The following TMEM207 variants were observed in gnomAD, a reference collection of about 807,000 sequenced individuals.
TMEM207 encodes SRSR846.
A neutral mutation model predicts 17.4 loss-of-function variants in TMEM207; 15 were observed. The observed-to-expected ratio is 0.86, with a 90% CI of 0.58 to 1.33. TMEM207 has a LOEUF of 1.33. TMEM207 is among the 40% of genes most tolerant of loss of function. TMEM207 has a pLI of 0.00. For synonymous variants in TMEM207, 70 were observed against 65.6 expected (o/e 1.07, Z -0.33); for missense variants, 205 against 173.8 (o/e 1.18, Z -1.01).
chr3:190,430,323 C>A (rs777000752), intron 4 of TMEM207, among the ~76,000 whole-genome samples: 20 of 151,740 alleles, frequency 1.3e-4, no homozygotes, highest in South Asian at 4.2e-4. Flanking sequence ...TAATATAGGC[C>A]ATTAACTATT....
intron 4 of TMEM207, among the ~76,000 whole-genome samples, chr3:190,432,169 C>T (rs1294920453): frequency 5.3e-5 from 8 of 152,152 alleles, no homozygotes; most frequent in Admixed American, 5.2e-4. Flanking sequence ...ACACTTACTG[C>T]TTAGTTTTTA....
At chr3:190,439,301 C>G (rs1719879447) in intron 4 of TMEM207, among the ~76,000 whole-genome samples, 1 of 145,658 alleles carries the variant, frequency 6.9e-6, no homozygotes, top group African/African-American at 2.5e-5. Flanking sequence ...TCTTGGAAAA[C>G]TAAGTTTGAT....
At chr3:190,439,937 C>T (rs1719892669) in intron 4 of TMEM207, among the ~76,000 whole-genome samples, 1 of 152,148 alleles carries the variant, frequency 6.6e-6, no homozygotes, top group Non-Finnish European at 1.5e-5. Flanking sequence ...TACCCTAAAC[C>T]CTACCATTCA....
intron 3 of TMEM207, 96 bp from the exon 4 acceptor site, chr3:190,440,485 A>T: frequency 8.6e-7 from 1 of 1,157,254 alleles, no homozygotes; most frequent in Non-Finnish European, 1.2e-6. Flanking sequence ...AGACTCAGCT[A>T]GACTGGCCGC....
Position 190,440,407 on chromosome 3 carries a change from C to A in TMEM207, c.159-18G>T. The A allele has an allele frequency of 6.2e-7, 1 of 1,601,932 alleles. No individual in the cohort carries two copies. Among genetic ancestry groups the A allele is most frequent in the Non-Finnish European group, 8.5e-7 (1 of 1,175,388 alleles). The stretch of plus-strand genomic sequence containing the variant: ...GGAGGATCCTGACTCCAAAAGTAAC[C>A]GAGAAAAGAATGAGGTAGAGTATGC... On this transcript the variant is annotated intron_variant, in intron 3 of 4. Transcript: ENST00000354905.
chr3:190,437,187 C>G (rs1362134770), intron 4 of TMEM207, among the ~76,000 whole-genome samples: 1 of 152,006 alleles, frequency 6.6e-6, no homozygotes, highest in African/African-American at 2.4e-5. Context: ...GCATGAAGAT[C>G]CTGGAGCACA....
chr3:190,444,410 A>T (rs1720001865), intron 2 of TMEM207: 4 of 985,234 alleles, frequency 4.1e-6, no homozygotes, highest in Non-Finnish European at 4.8e-6. Flanking sequence ...CTGGGACAGT[A>T]ATAGCCAGCT....
intron 4 of TMEM207, among the ~76,000 whole-genome samples, chr3:190,435,114 G>A (rs1034467217): frequency 2.6e-5 from 4 of 152,036 alleles, no homozygotes; most frequent in Non-Finnish European, 4.4e-5. Context: ...CCCCAAGAGA[G>A]CAGCTGTATT....
intron 2 of TMEM207, among the ~76,000 whole-genome samples, chr3:190,445,913 T>C (rs896641317): frequency 2.0e-5 from 3 of 152,170 alleles, no homozygotes; most frequent in Admixed American, 6.5e-5. Context: ...GATTAATACA[T>C]ATGTTTTTAT....
At chr3:190,440,896 GTC>G (rs1290865299) in intron 3 of TMEM207, among the ~76,000 whole-genome samples, 1 of 152,078 alleles carries the variant, frequency 6.6e-6, no homozygotes, top group Non-Finnish European at 1.5e-5. Context: ...GTGAAACCCC[GTC>G]TCTACTAAAA....
At chr3:190,448,356 T>A (rs1720095030) in intron 1 of TMEM207, among the ~76,000 whole-genome samples, 2 of 152,138 alleles carry the variant, frequency 1.3e-5, no homozygotes, top group East Asian at 3.9e-4. Flanking sequence ...GACATTCCAG[T>A]TGAGATTTAC....
intron 4 of TMEM207, among the ~76,000 whole-genome samples, chr3:190,436,107 C>T (rs1055969741): frequency 3.9e-5 from 6 of 152,180 alleles, no homozygotes. Flanking sequence ...GAGAGTCCAA[C>T]CTTTGCCCTA....
chr3:190,429,858 G>A, intron 4 of TMEM207, 127 bp from the exon 5 acceptor site: 2 of 1,187,890 alleles, frequency 1.7e-6, no homozygotes, highest in African/African-American at 1.6e-5. Context: ...GTATCTATGA[G>A]AAAAAAATTA....
At chr3:190,431,036 C>T (rs927685141) in intron 4 of TMEM207, among the ~76,000 whole-genome samples, 1 of 152,044 alleles carries the variant, frequency 6.6e-6, no homozygotes, top group Non-Finnish European at 1.5e-5. Flanking sequence ...GATTTTCATA[C>T]AGTTGTGTTT....
chr3:190,446,781 A>G (rs966878000), intron 2 of TMEM207, among the ~76,000 whole-genome samples: 5 of 152,188 alleles, frequency 3.3e-5, no homozygotes, highest in African/African-American at 1.2e-4. Flanking sequence ...ATCCTTTCCA[A>G]TTCTGAACTT....
intron 2 of TMEM207, among the ~76,000 whole-genome samples, chr3:190,443,553 C>T (rs144948791): frequency 1.9e-3 from 287 of 152,108 alleles, no homozygotes; most frequent in African/African-American, 6.7e-3. Context: ...GGATTTTGCA[C>T]AGTGTACCAC....
chr3:190,429,774 A>C, intron 4 of TMEM207, 43 bp from the exon 5 acceptor site: 1 of 1,541,476 alleles, frequency 6.5e-7, no homozygotes, highest in Non-Finnish European at 8.7e-7. Flanking sequence ...TCTAGTGAGC[A>C]TAAAACATAA....
At chr3:190,432,627 A>T (rs1350918122) in intron 4 of TMEM207, among the ~76,000 whole-genome samples, 1 of 152,186 alleles carries the variant, frequency 6.6e-6, no homozygotes, top group African/African-American at 2.4e-5. Context: ...GGCATTTCTG[A>T]AAAATCATAA....
At chr3:190,444,470 C>T (rs1304584621) in intron 2 of TMEM207, 8 of 983,870 alleles carry the variant, frequency 8.1e-6, no homozygotes, top group South Asian at 9.4e-5. Flanking sequence ...TCCAGTATCC[C>T]GTGTTCCAAA....
Sources: gnomAD v4.1 joint callset for allele counts (sites outside exome capture counted in the v4.1 genomes callset) on GRCh38, gnomAD v4.1.1 for gene constraint, MANE v1.5 for transcripts, NCBI Gene and HGNC (gene_info 2026-07-23, HGNC 2026-07-21) for gene names.